The following PHF21B variants were observed in gnomAD, a reference collection of about 807,000 sequenced individuals.
The protein encoded by PHF21B is PHD finger protein 21B, also known as PHD finger protein 4.
PHF21B carries 22 observed loss-of-function variants against 62.2 expected under a neutral mutation model. The ratio of observed to expected loss-of-function variants is 0.35; its 90% confidence interval spans 0.25 to 0.51. The LOEUF is 0.51. Ranked by LOEUF, PHF21B falls within the 20% of genes least tolerant of loss-of-function variation. The pLI, the probability that PHF21B is intolerant of heterozygous loss-of-function variation, is 0.97. For synonymous variants in PHF21B, 341 were observed against 314.7 expected, an observed-to-expected ratio of 1.08 and a Z score of -0.88; for missense variants, 701 against 707.9, an observed-to-expected ratio of 0.99 and a Z score of 0.11.
chr22:44,901,669 A>G, intron 5 of PHF21B: 1 of 523,660 alleles, frequency 1.9e-6, no homozygotes, highest in Non-Finnish European at 3.0e-6. Context: ...GAAAAGGGGG[A>G]ACCTCAAAGC....
chr22:44,916,492 T>A lies in PHF21B; in HGVS notation c.352A>T (p.Asn118Tyr). The change falls in exon 4 of 13, where the codon AAC becomes TAC. Residue 118 changes from asparagine to tyrosine, a missense_variant. Coordinates refer to ENST00000313237, the MANE Select transcript of PHF21B (RefSeq NM_138415.5). ...NPSPALPTAN[N>Y]TVSHVPAPGS... is the part of the protein sequence containing the mutation. ...GGCGCTGGCACATGGCTGACAGTGT[T>A]GTTGGCGGTGGGGAGGGCTGGGCTG... 6.2e-7 allele frequency: 1 copy of A among 1,607,694 alleles called. No individual in the cohort carries two copies. Among genetic ancestry groups the A allele is most frequent in the Non-Finnish European group, 8.5e-7 (1 of 1,179,356 alleles).
chr22:45,007,740 G>A (rs923646711), intron 2 of PHF21B, among the ~76,000 whole-genome samples: 2 of 140,492 alleles, frequency 1.4e-5, no homozygotes, highest in African/African-American at 2.6e-5. Flanking sequence ...GTGCGGGGAG[G>A]GGGCGCGGCG....
At chr22:44,939,392 T>C (rs897144191) in intron 2 of PHF21B, among the ~76,000 whole-genome samples, 1 of 152,200 alleles carries the variant, frequency 6.6e-6, no homozygotes, top group Middle Eastern at 3.2e-3. Flanking sequence ...CCTGAGGCCT[T>C]ACCTGTCACC....
At chr22:44,918,359 G>A (rs1471678207) in intron 3 of PHF21B, among the ~76,000 whole-genome samples, 1 of 152,208 alleles carries the variant, frequency 6.6e-6, no homozygotes, top group Non-Finnish European at 1.5e-5. Context: ...GGGCATGGGC[G>A]AGCTGGCGTC....
chr22:45,003,371 C>T (rs1261410845), intron 2 of PHF21B: 1 of 152,256 alleles, frequency 6.6e-6, no homozygotes, highest in Admixed American at 6.5e-5. Context: ...GGCAGAAAAG[C>T]ACTCCAGGTG....
At chr22:44,958,953 A>C (rs2072361139) in intron 2 of PHF21B, among the ~76,000 whole-genome samples, 1 of 151,762 alleles carries the variant, frequency 6.6e-6, no homozygotes, top group African/African-American at 2.4e-5. Context: ...TCCTTTGATC[A>C]TTTAACTGCG....
rs2071007055 is a variant in PHF21B at position 44,893,674 on chromosome 22, C to G, written c.884-141G>C. 1.3e-5 allele frequency: 11 copies of G among 818,616 alleles called. No individual in the cohort carries two copies. The South Asian group carries it at 1.9e-4, about 14-fold the overall frequency. The allele number at this position is 818,616 out of a possible 1,614,324, so 50.7% of individuals were successfully genotyped here. On this transcript the variant is annotated intron_variant, in intron 6 of 12. Coordinates refer to ENST00000313237, the MANE Select transcript of PHF21B (RefSeq NM_138415.5). ...GCTCAGCATCCATGCCACAGAATGG[C>G]CCAGGGTGGGTTAGGGCCTCCAGGA... is the stretch of plus-strand genomic sequence containing the variant.
chr22:44,987,678 T>C lies in PHF21B; in HGVS notation c.120+20867A>G, dbSNP rs1825299292. Among the ~76,000 whole-genome samples, 3 of 151,894 alleles carry C rather than the reference T, an allele frequency of 2.0e-5. No homozygotes were observed. In the South Asian group the frequency reaches 6.3e-4, roughly 32 times the overall value. On this transcript the variant is annotated intron_variant, in intron 2 of 12. Transcript: ENST00000313237. ...GGTCATTACATCCGGACCCCAGCTG[T>C]TCCTCATGGTGACAAGGAACCTCTT...
intron 5 of PHF21B, among the ~76,000 whole-genome samples, chr22:44,909,784 C>T (rs2071314152): frequency 6.6e-6 from 1 of 152,250 alleles, no homozygotes; most frequent in East Asian, 1.9e-4. Flanking sequence ...CTCCTGTTCT[C>T]TGCTGGATCC....
intron 2 of PHF21B, among the ~76,000 whole-genome samples, chr22:44,944,546 C>T (rs1044145246): frequency 1.3e-5 from 2 of 152,156 alleles, no homozygotes; most frequent in African/African-American, 4.8e-5. Flanking sequence ...ACCCCACAGC[C>T]GGCGTCAGCA....
chr22:44,893,386 G>A (rs2071000876), intron 7 of PHF21B, 71 bp downstream of exon 7: 2 of 1,455,382 alleles, frequency 1.4e-6, no homozygotes, highest in South Asian at 2.4e-5. Flanking sequence ...GGAGGCCCTG[G>A]GACTTTTCCT....
intron 2 of PHF21B, among the ~76,000 whole-genome samples, chr22:44,988,160 G>A (rs2147497890): frequency 6.6e-6 from 1 of 152,348 alleles, no homozygotes; most frequent in South Asian, 2.1e-4. Flanking sequence ...AAACTTTACT[G>A]TAGAAAATAT....
intron 2 of PHF21B, among the ~76,000 whole-genome samples, chr22:44,954,568 T>G (rs903752607): frequency 2.6e-5 from 4 of 152,290 alleles, no homozygotes; most frequent in Admixed American, 6.5e-5. Context: ...AAGCCCTGTC[T>G]GCATTTTACC....
intron 2 of PHF21B, among the ~76,000 whole-genome samples, chr22:44,924,930 G>A (rs2071601936): frequency 6.6e-6 from 1 of 152,128 alleles, no homozygotes; most frequent in African/African-American, 2.4e-5. Flanking sequence ...GTACACGGAT[G>A]AGCAAGCTGT....
intron 6 of PHF21B, among the ~76,000 whole-genome samples, chr22:44,894,551 C>A (rs528636891): frequency 6.6e-6 from 1 of 152,330 alleles, no homozygotes; most frequent in East Asian, 1.9e-4. Context: ...AAGCTGAGGG[C>A]AGCGGGATTC....
intron 2 of PHF21B, among the ~76,000 whole-genome samples, chr22:44,976,168 C>A (rs546593257): frequency 6.6e-6 from 1 of 152,194 alleles, no homozygotes; most frequent in African/African-American, 2.4e-5. Flanking sequence ...AAGACCCTGT[C>A]TCAAGAAAAC....
intron 2 of PHF21B, among the ~76,000 whole-genome samples, chr22:44,953,449 C>T (rs989609593): frequency 3.3e-5 from 5 of 152,182 alleles, no homozygotes; most frequent in African/African-American, 7.2e-5. Flanking sequence ...TAATTTTCCA[C>T]GTTCCCTTTC....
intron 4 of PHF21B, among the ~76,000 whole-genome samples, chr22:44,914,746 C>A (rs979596722): frequency 2.6e-5 from 4 of 152,240 alleles, no homozygotes; most frequent in African/African-American, 9.6e-5. Context: ...CACCCTGCAG[C>A]AGCCCCCCTT....
chr22:44,928,501 C>A lies in PHF21B; in HGVS notation c.121-8011G>T, dbSNP rs564193332. On this transcript the variant is annotated intron_variant, in intron 2 of 12. Coordinates refer to ENST00000313237, the MANE Select transcript of PHF21B (RefSeq NM_138415.5). ...CTTGGCTCACTGCAACCTCTGCTTC[C>A]CGGGTTCAAGTGATTCTCCTGCCTC... 3.9e-5 allele frequency among the ~76,000 whole-genome samples: 6 copies of A among 152,262 alleles called. 1 individual carries two copies. The East Asian group carries it at 1.2e-3, about 29-fold the overall frequency.
Sources: allele counts gnomAD v4.1 joint callset (sites outside exome capture counted in the v4.1 genomes callset), GRCh38; gene constraint gnomAD v4.1.1; transcripts MANE v1.5; gene names NCBI Gene and HGNC (gene_info 2026-07-23, HGNC 2026-07-21).